The following ZFYVE27 variants were observed in gnomAD, a reference collection of about 807,000 sequenced individuals.
ZFYVE27 encodes protrudin.
ZFYVE27 carries 36 observed loss-of-function variants against 52.8 expected under a neutral mutation model. That is an observed-to-expected ratio of 0.68 (90% confidence interval 0.52 to 0.90). The LOEUF is 0.90. Ranked by LOEUF, ZFYVE27 falls within the 40% of genes least tolerant of loss-of-function variation. ZFYVE27 has a pLI of 0.00. For synonymous variants in ZFYVE27, 223 were observed against 215.6 expected, an observed-to-expected ratio of 1.03 and a Z score of -0.30; for missense variants, 450 against 527.2, an observed-to-expected ratio of 0.85 and a Z score of 1.43.
chr10:97,749,421 T>C, intron 5 of ZFYVE27, 53 bp from the exon 6 acceptor site: 1 of 1,420,778 alleles, frequency 7.0e-7, no homozygotes, highest in Non-Finnish European at 1.0e-6. Context: ...TCCAAACCCG[T>C]CTCCTTCTGC....
In ZFYVE27 at chr10:97,748,331, T is replaced by C; in HGVS notation, c.518T>C (p.Val173Ala). 1 of 1,614,178 alleles carries C rather than the reference T, an allele frequency of 6.2e-7. No individual in the cohort carries two copies. The highest frequency in any genetic ancestry group is 8.5e-7 in the Non-Finnish European group (1 of 1,180,044). The change falls in exon 5 of 13, where the codon GTG (valine) becomes GCG (alanine). Residue 173 changes from valine to alanine, a missense_variant. By Grantham distance (64) the Val-to-Ala change is moderately conservative. Transcript: ENST00000684270. ...LCCTCEAAYR[V>A]LHWENPVVSS... is the part of the protein sequence containing the mutation. The stretch of plus-strand genomic sequence containing the variant: ...TGCACATGTGAAGCCGCCTACCGCG[T>C]GCTGCACTGGGAGAACCCCGTCGTG...
chr10:97,739,269 G>GTGTT (rs2042950048), intron 2 of ZFYVE27, among the ~76,000 whole-genome samples: 1 of 151,394 alleles, frequency 6.6e-6, no homozygotes, highest in African/African-American at 2.4e-5. Flanking sequence ...GGCTCTCACT[G>GTGTT]TGTTGCCCAG....
In ZFYVE27 at chr10:97,737,177, A is replaced by AT. The variant is rs1554885360; in HGVS notation, c.-142dup. The stretch of plus-strand genomic sequence containing the variant: ...GGCGGCCGCGGCGTAGGCGGAGGAG[A>AT]TTTTCGGACCTGCGACTTCCGAACA... On this transcript the variant is annotated 5_prime_UTR_variant, in exon 1 of 13. Coordinates refer to ENST00000684270, the MANE Select transcript of ZFYVE27 (RefSeq NM_001385875.1). 1 of 152,340 alleles carries AT rather than the reference A, an allele frequency of 6.6e-6. No individual in the cohort carries two copies. The highest frequency in any genetic ancestry group is 1.5e-5 in the Non-Finnish European group (1 of 68,204). The allele number at this position is 152,340 out of a possible 1,614,324, so 9.4% of individuals were successfully genotyped here.
chr10:97,752,792 C>T, intron 8 of ZFYVE27, 65 bp from the exon 9 acceptor site: 1 of 1,586,650 alleles, frequency 6.3e-7, no homozygotes, highest in South Asian at 1.1e-5. Context: ...CTCCAGGTAG[C>T]TTCTTTCTTC....
At position 97,759,508 on chromosome 10, in the gene ZFYVE27, C is replaced by T. The variant is rs1295455504; in HGVS notation, c.*208C>T. ...TGGCTGGCAATGGCTGCTCTCAATC[C>T]CTTGAGGGAGAAGAGCCCCTGGAGG... On this transcript the variant is annotated 3_prime_UTR_variant, in exon 13 of 13. Coordinates refer to ENST00000684270, the MANE Select transcript of ZFYVE27 (RefSeq NM_001385875.1). 6.2e-6 allele frequency: 4 copies of T among 642,370 alleles called. No homozygotes were observed. The highest frequency in any genetic ancestry group is 5.4e-5 in the African/African-American group (3 of 55,852). 39.8% of individuals were successfully genotyped at this position (642,370 alleles called of 1,614,324 possible). A position where few individuals can be genotyped will look rare whatever the true frequency, so the allele number is the denominator to read the frequency against.
At position 97,738,507 on chromosome 10, in the gene ZFYVE27, G is replaced by A; in HGVS notation, c.30G>A (p.Gly10=). ...AGACATCAGAACGTGAGGGGAGTGG[G>A]CCGGAGCTGAGCCCCAGCGTGATGC... MQTSEREGS[G]PELSPSVMPE... The change falls in exon 2 of 13, where the codon GGG becomes GGA. Residue 10 remains glycine (G), a synonymous_variant. Transcript: ENST00000684270. The A allele has an allele frequency of 6.2e-7, 1 of 1,614,166 alleles. No homozygotes were observed. The highest frequency in any genetic ancestry group is 8.5e-7 in the Non-Finnish European group (1 of 1,180,036).
intron 2 of ZFYVE27, among the ~76,000 whole-genome samples, chr10:97,742,577 A>C (rs1383154844): frequency 6.6e-6 from 1 of 152,232 alleles, no homozygotes; most frequent in Admixed American, 6.5e-5. Flanking sequence ...GGTATTCAAA[A>C]TAAACTCTCA....
At chr10:97,756,668 C>T (rs1471619311) in intron 10 of ZFYVE27, among the ~76,000 whole-genome samples, 1 of 152,218 alleles carries the variant, frequency 6.6e-6, no homozygotes, top group Non-Finnish European at 1.5e-5. Flanking sequence ...AGGACCTCTC[C>T]CTGCTCTGCG....
rs75060573 is a variant in ZFYVE27, at chr10:97,744,838, G to T, written c.378G>T (p.Lys126Asn). ...CTGATTCCGAGCTGATGCGGAGGAA[G>T]TATCATAGCGTGAGGCAGGAGGACC... ...RLPDSELMRR[K>N]YHSVRQEDLQ... The change falls in exon 4 of 13, where the codon AAG becomes AAT. Residue 126 changes from lysine to asparagine, a missense_variant. Transcript: ENST00000684270. The T allele has an allele frequency of 4.3e-6, 7 of 1,613,430 alleles. No homozygotes were observed. The highest frequency in any genetic ancestry group is 2.7e-5 in the African/African-American group (2 of 74,946).
At position 97,757,314 on chromosome 10, in the gene ZFYVE27, G is replaced by A. The variant is rs556454107; in HGVS notation, c.1089+3G>A. On this transcript the variant is annotated splice_donor_region_variant and intron_variant, in intron 11 of 12. Transcript: ENST00000684270. The stretch of plus-strand genomic sequence containing the variant: ...CCTTCTCAGTGCTGAAGAAGAGGGT[G>A]AGTGTCTGTGAGGGTGCATTTGTTG... 1,175 of 1,614,156 alleles carry A rather than the reference G, an allele frequency of 7.3e-4. 12 individuals are homozygous for A. The South Asian group carries it at 0.012, about 17-fold the overall frequency.
intron 3 of ZFYVE27, among the ~76,000 whole-genome samples, chr10:97,743,603 G>C (rs1000221309): frequency 2.0e-5 from 3 of 152,198 alleles, no homozygotes; most frequent in Non-Finnish European, 4.4e-5. Flanking sequence ...CTGATTCAAG[G>C]GTCATCTGGG....
At chr10:97,749,621 G>T (rs756473636) in intron 6 of ZFYVE27, 35 bp downstream of exon 6, 1 of 1,571,294 alleles carries the variant, frequency 6.4e-7, no homozygotes. Context: ...TGGGGCCCAA[G>T]CTGGCTCTGA....
chr10:97,741,619 T>G (rs1363588953), intron 2 of ZFYVE27, among the ~76,000 whole-genome samples: 1 of 151,576 alleles, frequency 6.6e-6, no homozygotes, highest in Non-Finnish European at 1.5e-5. Flanking sequence ...TATTGAGGGG[T>G]GGGGGCTAGA....
At chr10:97,743,004 C>G in intron 2 of ZFYVE27, 90 bp from the exon 3 acceptor site, 2 of 1,397,662 alleles carry the variant, frequency 1.4e-6, no homozygotes, top group Non-Finnish European at 2.0e-6. Flanking sequence ...GCCTCCTCTT[C>G]TGGTTTGATG....
Position 97,743,208 on chromosome 10 carries a change from TG to T in ZFYVE27, c.268+49del, listed in dbSNP as rs764021595. 4 of 1,607,786 alleles carry T rather than the reference TG, an allele frequency of 2.5e-6. 1 individual carries two copies. The South Asian group carries it at 4.4e-5, about 18-fold the overall frequency. ...GGCCAGTGGTTTTTGTGAACGAATGTGGGGGAAGAACACCTGGATGCAGCCC... is the reference window on the plus strand; with the variant it reads ...GGCCAGTGGTTTTTGTGAACGAATGTGGGGAAGAACACCTGGATGCAGCCC... On this transcript the variant is annotated intron_variant, in intron 3 of 12. Coordinates refer to ENST00000684270, the MANE Select transcript of ZFYVE27 (RefSeq NM_001385875.1).
chr10:97,754,583 A>T, intron 10 of ZFYVE27: 1 of 1,215,710 alleles, frequency 8.2e-7, no homozygotes, highest in Non-Finnish European at 1.1e-6. Context: ...CCAAAGTGTT[A>T]GGATTACAAG....
At chr10:97,747,177 G>A (rs1243399096) in intron 4 of ZFYVE27, among the ~76,000 whole-genome samples, 1 of 152,002 alleles carries the variant, frequency 6.6e-6, no homozygotes, top group Non-Finnish European at 1.5e-5. Context: ...CTAATTTTTG[G>A]ATTGTTTGGT....
chr10:97,737,914 G>T (rs72835972), intron 1 of ZFYVE27, among the ~76,000 whole-genome samples: 18,597 of 152,214 alleles, frequency 0.12, 1,131 homozygotes, highest in South Asian at 0.17. Flanking sequence ...TCATTCAGCA[G>T]GCATTTGTTA....
At position 97,759,411 on chromosome 10, in the gene ZFYVE27, TGCTAGGTAG is replaced by T; in HGVS notation, c.*115_*123del. Reference sequence around the variant, plus strand: ...GTGTGCTGGGCAAATGTGGCCTGAATGCTAGGTAGGCTTCCCCTTCCTTCCTCACTCTCT... The same window carrying T: ...GTGTGCTGGGCAAATGTGGCCTGAATGCTTCCCCTTCCTTCCTCACTCTCT... On this transcript the variant is annotated 3_prime_UTR_variant, in exon 13 of 13. Coordinates refer to ENST00000684270, the MANE Select transcript of ZFYVE27 (RefSeq NM_001385875.1). 8.8e-7 allele frequency: 1 copy of T among 1,133,258 alleles called. No homozygotes were observed. The highest frequency in any genetic ancestry group is 1.3e-6 in the Non-Finnish European group (1 of 754,906). The allele number at this position is 1,133,258 out of a possible 1,614,324, so 70.2% of individuals were successfully genotyped here.
Sources: allele counts gnomAD v4.1 joint callset (sites outside exome capture counted in the v4.1 genomes callset), GRCh38; gene constraint gnomAD v4.1.1; transcripts MANE v1.5; gene names NCBI Gene and HGNC (gene_info 2026-07-23, HGNC 2026-07-21).